The following CR1 variants were observed in gnomAD, a reference collection of about 807,000 sequenced individuals.
CR1 encodes complement C3b/C4b receptor 1 (Knops blood group).
A neutral mutation model predicts 187.3 loss-of-function variants in CR1; 116 were observed. The ratio of observed to expected loss-of-function variants is 0.62; its 90% confidence interval spans 0.53 to 0.72. The LOEUF (loss-of-function observed/expected upper bound fraction) is 0.72. Ranked by LOEUF, CR1 falls within the 30% of genes least tolerant of loss-of-function variation. The pLI is 0.00. For synonymous variants in CR1, 576 were observed against 747.1 expected (o/e 0.77, Z 3.73); for missense variants, 1,731 against 2,110.7 (o/e 0.82, Z 3.52).
intron 43 of CR1, among the ~76,000 whole-genome samples, chr1:207,620,720 G>A (rs977099608): frequency 2.7e-4 from 41 of 152,056 alleles, no homozygotes; most frequent in African/African-American, 4.8e-4. Context: ...AATATGACTC[G>A]CAGATAATAT....
At chr1:207,521,385 C>T (rs1424436439) in intron 4 of CR1, among the ~76,000 whole-genome samples, 1 of 152,058 alleles carries the variant, frequency 6.6e-6, no homozygotes, top group Non-Finnish European at 1.5e-5. Flanking sequence ...TCTCTCTTCT[C>T]ATCGAGGGAC....
At chr1:207,500,787 C>A (rs191890480) in intron 1 of CR1, among the ~76,000 whole-genome samples, 11 of 152,326 alleles carry the variant, frequency 7.2e-5, no homozygotes, top group Admixed American at 4.6e-4. Context: ...GAAATGAAAT[C>A]ATATGTCCAC....
At chr1:207,614,637 G>C (rs1382865201) in intron 40 of CR1, 148 bp downstream of exon 40, 1 of 541,542 alleles carries the variant, frequency 1.8e-6, no homozygotes. Flanking sequence ...TTTCAAGAAG[G>C]GTCTTGTAGG....
At chr1:207,621,354 ATTG>A (rs1451368789) in intron 43 of CR1, among the ~76,000 whole-genome samples, 1 of 152,200 alleles carries the variant, frequency 6.6e-6, no homozygotes, top group East Asian at 1.9e-4. Context: ...TGAAACTGAT[ATTG>A]TTGTGTGTTG....
intron 1 of CR1, among the ~76,000 whole-genome samples, chr1:207,498,663 CAA>C (rs1413755371): frequency 1.3e-5 from 2 of 151,732 alleles, no homozygotes; most frequent in African/African-American, 4.8e-5. Flanking sequence ...TGGATCACCT[CAA>C]GTCAGGAGTT....
intron 1 of CR1, among the ~76,000 whole-genome samples, chr1:207,501,336 A>G (rs1405781860): frequency 6.6e-6 from 1 of 152,244 alleles, no homozygotes; most frequent in East Asian, 1.9e-4. Flanking sequence ...TGGTTTCACA[A>G]CGCATACATA....
At chr1:207,500,795 C>T (rs1446212226) in intron 1 of CR1, among the ~76,000 whole-genome samples, 1 of 152,160 alleles carries the variant, frequency 6.6e-6, no homozygotes, top group Non-Finnish European at 1.5e-5. Flanking sequence ...ATCATATGTC[C>T]ACACAAAGAC....
At position 207,616,728 on chromosome 1, in the gene CR1, G is replaced by A. The variant is rs767050487; in HGVS notation, c.6815G>A (p.Arg2272His). The change falls in exon 41 of 47, where the codon CGC (arginine) becomes CAC (histidine). Residue 2272 changes from arginine (R) to histidine (H), a missense_variant. By Grantham distance (29) the Arg-to-His change is conservative (BLOSUM62 0). This residue lies in a region of CR1 where 1,312 missense variants were observed against 1,379.6 expected (regional missense o/e 0.95). Transcript: ENST00000367049. The stretch of plus-strand genomic sequence containing the variant: ...AACCTCATTGGGGAGAGCTCCATCC[G>A]CTGCACAAGTGACCCTCAAGGGAAT... ...TFNLIGESSI[R>H]CTSDPQGNGV... The A allele has an allele frequency of 2.5e-5, 41 of 1,613,770 alleles. No homozygotes were observed. In the South Asian group the frequency reaches 2.7e-4, roughly 11 times the overall value.
chr1:207,606,891 A>C (rs1221779394), intron 35 of CR1, among the ~76,000 whole-genome samples: 1 of 152,200 alleles, frequency 6.6e-6, no homozygotes, highest in Non-Finnish European at 1.5e-5. Context: ...TATTTCAGTA[A>C]GATATTTTCC....
At chr1:207,636,808 A>G (rs1352840486) in intron 46 of CR1, among the ~76,000 whole-genome samples, 1 of 152,252 alleles carries the variant, frequency 6.6e-6, no homozygotes, top group East Asian at 1.9e-4. Flanking sequence ...CGGTTGGTCC[A>G]TGGACATAGA....
At chr1:207,636,538 A>C (rs1279613616) in intron 46 of CR1, among the ~76,000 whole-genome samples, 1 of 152,214 alleles carries the variant, frequency 6.6e-6, no homozygotes, top group African/African-American at 2.4e-5. Context: ...AGTTTGTCTA[A>C]GATCATTAAT....
At chr1:207,565,730 C>G (rs1357859013) in intron 23 of CR1, 108 bp from the exon 24 acceptor site, 1 of 1,448,508 alleles carries the variant, frequency 6.9e-7, no homozygotes, top group African/African-American at 1.5e-5. Flanking sequence ...CTGCCATCTG[C>G]TGGCCTCAGA....
chr1:207,585,109 G>A (rs1314725692), intron 33 of CR1, among the ~76,000 whole-genome samples: 2 of 152,122 alleles, frequency 1.3e-5, no homozygotes, highest in Admixed American at 1.3e-4. Flanking sequence ...GTGGGAAAAA[G>A]GGACTGAGGG....
chr1:207,496,347 T>A lies in CR1; in HGVS notation c.80T>A (p.Leu27Gln). 1 of 1,612,626 alleles carries A rather than the reference T, an allele frequency of 6.2e-7. No homozygotes were observed. ...PGLPFCCGGSLLAVVVLLALP... is the reference protein window; with the variant it reads ...PGLPFCCGGSQLAVVVLLALP... ...CTCCCCTTCTGCTGCGGAGGATCCC[T>A]GCTGGCGGTTGTGGTGCTGCTTGCG... The change falls in exon 1 of 47, where the codon CTG becomes CAG. Residue 27 changes from leucine (L) to glutamine (Q), a missense_variant. Physicochemically the swap from Leu to Gln is moderately radical, Grantham distance 113. Transcript: ENST00000367049.
rs1199120617 is a variant in CR1 at position 207,566,992 on chromosome 1, G to T, written c.3953-832G>T. 2.0e-5 allele frequency among the ~76,000 whole-genome samples: 3 copies of T among 150,212 alleles called. 1 individual carries two copies. The highest frequency in any genetic ancestry group is 7.6e-5 in the African/African-American group (3 of 39,670). On this transcript the variant is annotated intron_variant, in intron 24 of 46. Transcript: ENST00000367049. ...TGCTCCTTGAAGCAGTATGACAAGT[G>T]TCTGTTCTACTATCATGAATGAAAG... is the stretch of plus-strand genomic sequence containing the variant.
At chr1:207,613,358 A>T (rs1661995971) in intron 39 of CR1, among the ~76,000 whole-genome samples, 1 of 152,174 alleles carries the variant, frequency 6.6e-6, no homozygotes, top group Admixed American at 6.5e-5. Context: ...TAAAACAAAG[A>T]CACCACTCAA....
rs1201052264 is a variant in CR1, at chr1:207,506,697, C to G, written c.302-17C>G. The G allele has an allele frequency of 6.2e-7, 1 of 1,610,788 alleles. No homozygotes were observed. Among genetic ancestry groups the G allele is most frequent in the African/African-American group, 1.3e-5 (1 of 74,932 alleles). On this transcript the variant is annotated splice_polypyrimidine_tract_variant and intron_variant, in intron 2 of 46. Coordinates refer to ENST00000367049, the MANE Select transcript of CR1 (RefSeq NM_000651.6). ...GTTTACTCTACTTGGCTCCAAAATT[C>G]TGTTTCTTTCCTGTAGGTAAATCAT...
rs115554854 is a variant in CR1, at chr1:207,523,633, C to T, written c.510C>T (p.Pro170=). ...ICDRIPCGLP[P]TITNGDFIST... ...CAGGAATTCCTTGTGGGCTACCCCC[C>T]ACCATCACCAATGGAGATTTCATTA... Residue 170 remains proline (P), a synonymous_variant, in exon 5 of 47, where the codon CCC becomes CCT. Transcript: ENST00000367049. 3 of 1,613,972 alleles carry T rather than the reference C, an allele frequency of 1.9e-6. No individual in the cohort carries two copies. Among genetic ancestry groups the T allele is most frequent in the South Asian group, 1.1e-5 (1 of 91,086 alleles).
chr1:207,609,703 T>C lies in CR1; in HGVS notation c.6295+15T>C, dbSNP rs754960185. On this transcript the variant is annotated intron_variant, in intron 37 of 46. Coordinates refer to ENST00000367049, the MANE Select transcript of CR1 (RefSeq NM_000651.6). ...CTGCTCCAGGGGTGAGTGTGACCCA[T>C]CAAGACTTTGCTGGGTGTGAGGGTA... The C allele has an allele frequency of 4.3e-5, 67 of 1,545,804 alleles. No individual in the cohort carries two copies. Among genetic ancestry groups the C allele is most frequent in the Non-Finnish European group, 5.7e-5 (66 of 1,149,124 alleles).
Sources: allele counts gnomAD v4.1 joint callset (sites outside exome capture counted in the v4.1 genomes callset), GRCh38; gene constraint gnomAD v4.1.1; regional missense constraint gnomAD v4.1.1; transcripts MANE v1.5; gene names NCBI Gene and HGNC (gene_info 2026-07-23, HGNC 2026-07-21).